TMEM38B: variants seen among roughly 807,000 people sequenced by gnomAD.
TMEM38B encodes transmembrane protein 38B.
TMEM38B carries 24 observed loss-of-function variants against 28.7 expected under a neutral mutation model. The ratio of observed to expected loss-of-function variants is 0.84; its 90% CI spans 0.61 to 1.18. The LOEUF (loss-of-function observed/expected upper bound fraction) is 1.18. TMEM38B is among the 50% of genes most tolerant of loss of function. TMEM38B has a pLI of 0.00. For synonymous variants in TMEM38B, 131 were observed against 127.7 expected (o/e 1.03, Z -0.17); for missense variants, 380 against 350.9 (o/e 1.08, Z -0.66).
chr9:105,770,382 A>C (rs973820138), intron 5 of TMEM38B, among the ~76,000 whole-genome samples: 4 of 152,276 alleles, frequency 2.6e-5, no homozygotes, highest in African/African-American at 9.6e-5. Flanking sequence ...CTGACTAATA[A>C]ATGATCAAAA....
intron 4 of TMEM38B, among the ~76,000 whole-genome samples, chr9:105,746,877 C>T (rs10816314): frequency 0.1 from 15,926 of 152,104 alleles, 1,293 homozygotes; most frequent in East Asian, 0.46. Flanking sequence ...CTGGATTATG[C>T]TTATTGATTT....
At chr9:105,766,741 GT>G (rs565022485) in intron 5 of TMEM38B, among the ~76,000 whole-genome samples, 12 of 148,760 alleles carry the variant, frequency 8.1e-5, no homozygotes, top group Middle Eastern at 3.5e-3. Context: ...TTTTTTTTCT[GT>G]TTTTTTTTAT....
intron 5 of TMEM38B, among the ~76,000 whole-genome samples, chr9:105,749,871 G>C (rs7046293): frequency 0.21 from 31,671 of 152,028 alleles, 5,124 homozygotes; most frequent in East Asian, 0.46. Context: ...CATTTCTCTT[G>C]AGTATATCAT....
chr9:105,760,779 T>C lies in TMEM38B; in HGVS notation c.660+12589T>C, dbSNP rs1369617171. On this transcript the variant is annotated intron_variant, in intron 5 of 5. Transcript: ENST00000374692. ...AACTGAATTAAAAATTATGTAATAC[T>C]TGTGGAACTTTGATAAATGAAGCCA... 4 of 917,864 alleles carry C rather than the reference T, an allele frequency of 4.4e-6. No homozygotes were observed. In the East Asian group the frequency reaches 1.1e-4, roughly 25 times the overall value. 56.9% of individuals were successfully genotyped at this position (917,864 alleles called of 1,614,324 possible). A position where few individuals can be genotyped will look rare whatever the true frequency, so the allele number is the denominator to read the frequency against.
At chr9:105,707,081 C>T (rs1340010637) in intron 2 of TMEM38B, among the ~76,000 whole-genome samples, 5 of 152,130 alleles carry the variant, frequency 3.3e-5, no homozygotes, top group East Asian at 1.9e-4. Flanking sequence ...CCCAGCCTGT[C>T]TTATGTATCT....
intron 5 of TMEM38B, among the ~76,000 whole-genome samples, chr9:105,750,884 T>C (rs890364963): frequency 3.3e-5 from 5 of 152,358 alleles, no homozygotes; most frequent in Admixed American, 1.3e-4. Flanking sequence ...CACTATTTAT[T>C]GTAAAAACCG....
At chr9:105,766,282 A>C (rs543628999) in intron 5 of TMEM38B, among the ~76,000 whole-genome samples, 1 of 152,192 alleles carries the variant, frequency 6.6e-6, no homozygotes, top group Admixed American at 6.5e-5. Context: ...ATTTGGTATT[A>C]TCAGTCATTT....
At chr9:105,769,910 G>A (rs957644500) in intron 5 of TMEM38B, among the ~76,000 whole-genome samples, 1 of 152,080 alleles carries the variant, frequency 6.6e-6, no homozygotes, top group African/African-American at 2.4e-5. Flanking sequence ...AATGGGAAAT[G>A]GAAAAGGGGT....
chr9:105,750,850 CAT>C (rs1435527952), intron 5 of TMEM38B, among the ~76,000 whole-genome samples: 3 of 152,160 alleles, frequency 2.0e-5, no homozygotes, highest in African/African-American at 7.2e-5. Context: ...CAAGTTTTCT[CAT>C]GTGGATATAT....
rs927763242 is a variant in TMEM38B at position 105,700,221 on chromosome 9, G to A, written c.113-5376G>A. ...CATTATATTAGATGTTTAGGATACC[G>A]CCATGAAAGATGCTGTTATAGCCCT... On this transcript the variant is annotated intron_variant, in intron 1 of 5. Transcript: ENST00000374692. Among the ~76,000 whole-genome samples the A allele has an allele frequency of 2.2e-4, 34 of 152,060 alleles. No individual in the cohort carries two copies. In the East Asian group the frequency reaches 6.4e-3, roughly 28 times the overall value.
rs1826708584 is a variant in TMEM38B, at chr9:105,775,894, A to G, written c.*1814A>G. The stretch of plus-strand genomic sequence containing the variant: ...GAACTCATCTAGTATTTTGACTAAT[A>G]TAGTATATATTCAGTGATTACTGTT... On this transcript the variant is annotated 3_prime_UTR_variant, in exon 6 of 6. Transcript: ENST00000374692. 1 of 152,172 alleles carries G rather than the reference A, an allele frequency of 6.6e-6. No individual in the cohort carries two copies. Among genetic ancestry groups the G allele is most frequent in the African/African-American group, 2.4e-5 (1 of 41,442 alleles). The allele number at this position is 152,172 out of a possible 1,614,324, so 9.4% of individuals were successfully genotyped here.
chr9:105,715,647 C>T (rs891178160), intron 2 of TMEM38B, among the ~76,000 whole-genome samples: 1 of 151,908 alleles, frequency 6.6e-6, no homozygotes, highest in South Asian at 2.1e-4. Context: ...TTTGAAGACA[C>T]TATCTGTTAT....
chr9:105,761,952 C>T (rs1034271153), intron 5 of TMEM38B, among the ~76,000 whole-genome samples: 2 of 152,070 alleles, frequency 1.3e-5, no homozygotes, highest in South Asian at 2.1e-4. Context: ...AAATGCCTCT[C>T]ATCTTAAAAC....
At chr9:105,724,542 G>A (rs143449000) in intron 4 of TMEM38B, among the ~76,000 whole-genome samples, 1 of 151,670 alleles carries the variant, frequency 6.6e-6, no homozygotes, top group African/African-American at 2.4e-5. Flanking sequence ...AGAATCACTT[G>A]AACCTGGGAG....
intron 4 of TMEM38B, among the ~76,000 whole-genome samples, chr9:105,747,362 G>A (rs1255923708): frequency 2.0e-5 from 3 of 152,108 alleles, no homozygotes; most frequent in Admixed American, 6.5e-5. Flanking sequence ...GTTTATTTGT[G>A]TAGAGGTGTT....
intron 5 of TMEM38B, chr9:105,758,359 G>T (rs1837909958): frequency 2.0e-6 from 2 of 1,019,758 alleles, no homozygotes; most frequent in Non-Finnish European, 3.1e-6. Context: ...ATCTTACATG[G>T]ATTCTGCTAC....
chr9:105,740,295 C>G (rs1837152970), intron 4 of TMEM38B, among the ~76,000 whole-genome samples: 3 of 132,212 alleles, frequency 2.3e-5, no homozygotes, highest in African/African-American at 5.8e-5. Flanking sequence ...GGGTCTTGCT[C>G]TGTTGCCCAG....
rs942255893 is a variant in TMEM38B, at chr9:105,774,181, T to C, written c.*101T>C. On this transcript the variant is annotated 3_prime_UTR_variant, in exon 6 of 6. Coordinates refer to ENST00000374692, the MANE Select transcript of TMEM38B (RefSeq NM_018112.3). ...TATGTGATGTGAAATGAAGACTATA[T>C]ATATGGAATGGAGGTGACAGAAAGA... 4.3e-6 allele frequency: 4 copies of C among 924,138 alleles called. No homozygotes were observed. Among genetic ancestry groups the C allele is most frequent in the Non-Finnish European group, 6.5e-6 (4 of 614,506 alleles). The allele number at this position is 924,138 out of a possible 1,614,324, so 57.2% of individuals were successfully genotyped here. A position where few individuals can be genotyped will look rare whatever the true frequency, so the allele number is the denominator to read the frequency against.
chr9:105,765,711 C>G (rs1826348937), intron 5 of TMEM38B, among the ~76,000 whole-genome samples: 1 of 152,048 alleles, frequency 6.6e-6, no homozygotes, highest in Non-Finnish European at 1.5e-5. Flanking sequence ...GTATTTCCAG[C>G]TTTTGATTAT....
Sources: allele counts gnomAD v4.1 joint callset (sites outside exome capture counted in the v4.1 genomes callset), GRCh38; gene constraint gnomAD v4.1.1; transcripts MANE v1.5; gene names NCBI Gene and HGNC (gene_info 2026-07-23, HGNC 2026-07-21).